Variants in SHOC2 observed in about 807,000 individuals in gnomAD.
The protein encoded by SHOC2 is SHOC2 leucine rich repeat scaffold protein.
In SHOC2, 4 loss-of-function variants were observed where a neutral mutation model predicts 50.2. The observed-to-expected ratio is 0.08, with a 90% CI of 0.04 to 0.18. The LOEUF (loss-of-function observed/expected upper bound fraction) is 0.18. Ranked by LOEUF, SHOC2 falls within the 10% of genes least tolerant of loss-of-function variation. The probability of loss-of-function intolerance (pLI) is 1.00; values close to 1 mark genes in which losing one functional copy is unlikely to be tolerated. For synonymous variants in SHOC2, 218 were observed against 244.5 expected (o/e 0.89, Z 1.01); for missense variants, 388 against 669.6 (o/e 0.58, Z 4.64).
chr10:110,939,594 G>C (rs1386317654), intron 1 of SHOC2, among the ~76,000 whole-genome samples: 1 of 152,190 alleles, frequency 6.6e-6, no homozygotes, highest in African/African-American at 2.4e-5. Flanking sequence ...ATGTTAGATT[G>C]ATGTTAGATT....
chr10:110,964,690 C>G lies in SHOC2; in HGVS notation c.332C>G (p.Ser111Cys), dbSNP rs149084468. 6.2e-7 allele frequency: 1 copy of G among 1,614,140 alleles called. No homozygotes were observed. The highest frequency in any genetic ancestry group is 2.2e-5 in the East Asian group (1 of 44,888). The change falls in exon 2 of 9, where the codon TCT becomes TGT. Residue 111 changes from serine to cysteine, a missense_variant. Physicochemically the swap from Ser to Cys is moderately radical, Grantham distance 112. Transcript: ENST00000369452. The surrounding 1 kb of genome is among the most constrained non-coding windows in gnomAD (Gnocchi z 4.9). ...NSMRLDLSKRSIHILPSSIKE... is the reference protein window; with the variant it reads ...NSMRLDLSKRCIHILPSSIKE... ...ATGCGTTTGGACTTATCCAAGAGAT[C>G]TATACACATATTGCCATCATCAATC...
chr10:110,949,804 A>G (rs1239006808), intron 1 of SHOC2, among the ~76,000 whole-genome samples: 1 of 152,200 alleles, frequency 6.6e-6, no homozygotes, highest in Non-Finnish European at 1.5e-5. Context: ...AAATGATACA[A>G]CACATTAACA....
intron 1 of SHOC2, among the ~76,000 whole-genome samples, chr10:110,949,456 A>C (rs1847309161): frequency 6.6e-6 from 1 of 152,146 alleles, no homozygotes; most frequent in Non-Finnish European, 1.5e-5. Flanking sequence ...GAACCTCCCA[A>C]AAAAGAAAAG....
chr10:110,988,913 G>C (rs923466493), intron 3 of SHOC2: 2 of 478,398 alleles, frequency 4.2e-6, no homozygotes, highest in Non-Finnish European at 8.6e-6. Flanking sequence ...TGTTTCTTCT[G>C]TGATCTATGG....
chr10:111,005,141 T>G (rs1333274932), intron 5 of SHOC2, among the ~76,000 whole-genome samples: 1 of 152,040 alleles, frequency 6.6e-6, no homozygotes, highest in East Asian at 1.9e-4. Context: ...TTTTAAAAAT[T>G]AGCTGGCCTG....
At chr10:110,941,858 G>A (rs1477113172) in intron 1 of SHOC2, among the ~76,000 whole-genome samples, 1 of 151,872 alleles carries the variant, frequency 6.6e-6, no homozygotes, top group Non-Finnish European at 1.5e-5. Flanking sequence ...TTTCTTGTAT[G>A]TTTTCTTCTC....
chr10:110,926,169 T>C (rs1846768736), intron 1 of SHOC2, among the ~76,000 whole-genome samples: 1 of 152,192 alleles, frequency 6.6e-6, no homozygotes, highest in African/African-American at 2.4e-5. Flanking sequence ...TTACTTCCTT[T>C]TTTATAACAC....
intron 2 of SHOC2, among the ~76,000 whole-genome samples, chr10:110,981,886 G>T: frequency 1.6e-4 from 2 of 12,592 alleles, no homozygotes; most frequent in Non-Finnish European, 2.4e-4. Flanking sequence ...TTAAGTTTTA[G>T]GGTACATGTG....
intron 2 of SHOC2, among the ~76,000 whole-genome samples, chr10:110,973,471 T>C (rs1414970218): frequency 1.3e-5 from 2 of 152,182 alleles, no homozygotes; most frequent in East Asian, 1.9e-4. Context: ...GTATTCATCA[T>C]AGATATTGAT....
chr10:110,994,556 A>C (rs573565079), intron 3 of SHOC2, among the ~76,000 whole-genome samples: 1 of 152,346 alleles, frequency 6.6e-6, no homozygotes, highest in East Asian at 1.9e-4. Context: ...GAAACACTTT[A>C]CAATGGTTAA....
At chr10:110,980,158 CTTT>C (rs745350568) in intron 2 of SHOC2, among the ~76,000 whole-genome samples, 5 of 135,914 alleles carry the variant, frequency 3.7e-5, no homozygotes, top group Non-Finnish European at 1.6e-5. Context: ...ATTCCTGTCA[CTTT>C]TTTTTTTTTT....
At chr10:110,993,697 G>A (rs1848222261) in intron 3 of SHOC2, among the ~76,000 whole-genome samples, 1 of 151,982 alleles carries the variant, frequency 6.6e-6, no homozygotes, top group Non-Finnish European at 1.5e-5. Context: ...TTAAATTCTA[G>A]GAACCTACTC....
chr10:111,004,009 A>G (rs930850423), intron 4 of SHOC2, among the ~76,000 whole-genome samples: 7 of 152,192 alleles, frequency 4.6e-5, no homozygotes, highest in African/African-American at 1.4e-4. Context: ...GTGCTAAGTA[A>G]ATACTTGTTT....
At chr10:110,986,467 T>C (rs1444698942) in intron 3 of SHOC2, among the ~76,000 whole-genome samples, 2 of 152,104 alleles carry the variant, frequency 1.3e-5, no homozygotes, top group African/African-American at 4.8e-5. Flanking sequence ...TTTAGTATTT[T>C]AATTTTTTAA....
At chr10:110,957,427 C>T (rs989094922) in intron 1 of SHOC2, among the ~76,000 whole-genome samples, 1 of 151,996 alleles carries the variant, frequency 6.6e-6, no homozygotes, top group Non-Finnish European at 1.5e-5. Flanking sequence ...GACTCTTTGA[C>T]TTAACATAGT....
chr10:110,927,260 C>T (rs976708388), intron 1 of SHOC2, among the ~76,000 whole-genome samples: 3 of 151,952 alleles, frequency 2.0e-5, no homozygotes, highest in Non-Finnish European at 4.4e-5. Context: ...TATATATCTG[C>T]GATATAGAAT....
chr10:110,979,038 G>C (rs548869179), intron 2 of SHOC2, among the ~76,000 whole-genome samples: 71 of 152,178 alleles, frequency 4.7e-4, no homozygotes, highest in African/African-American at 1.5e-3. Context: ...CTTTGTTTTG[G>C]GTATCAGGCA....
At chr10:111,011,047 T>A (rs1325712219) in intron 8 of SHOC2, among the ~76,000 whole-genome samples, 1 of 152,208 alleles carries the variant, frequency 6.6e-6, no homozygotes, top group Non-Finnish European at 1.5e-5. Context: ...AGAATACAAG[T>A]ATCCTAAGAA....
intron 1 of SHOC2, among the ~76,000 whole-genome samples, chr10:110,951,251 A>G (rs1395338963): frequency 1.3e-5 from 2 of 152,218 alleles, no homozygotes; most frequent in African/African-American, 2.4e-5. Context: ...GACAACATAC[A>G]GTGTACATCA....
Sources: allele counts gnomAD v4.1 joint callset (sites outside exome capture counted in the v4.1 genomes callset), GRCh38; gene constraint gnomAD v4.1.1; non-coding constraint Gnocchi (gnomAD v3.1); transcripts MANE v1.5; gene names NCBI Gene and HGNC (gene_info 2026-07-23, HGNC 2026-07-21).